FSTL5: variants seen among roughly 807,000 people sequenced by gnomAD.
FSTL5 encodes the protein follistatin like 5.
Under a neutral mutation model 89.1 loss-of-function variants are expected in FSTL5, and 62 were observed. The ratio of observed to expected loss-of-function variants is 0.70; its 90% CI spans 0.57 to 0.86. The LOEUF is 0.86. FSTL5 is among the 40% of genes least tolerant of loss of function. The pLI is 0.00. For missense variants in FSTL5, 1,057 were observed against 1,001.6 expected (o/e 1.06, Z -0.75); for synonymous variants, 383 against 346.2 (o/e 1.11, Z -1.18).
chr4:161,615,650 T>C (rs1734841256), intron 7 of FSTL5, among the ~76,000 whole-genome samples: 1 of 152,066 alleles, frequency 6.6e-6, no homozygotes, highest in Non-Finnish European at 1.5e-5. Context: ...TTAAAATCTT[T>C]AAACACGAAA....
At chr4:161,783,697 T>C (rs1270516146) in intron 4 of FSTL5, among the ~76,000 whole-genome samples, 11 of 27,540 alleles carry the variant, frequency 4.0e-4, no homozygotes, top group East Asian at 1.1e-3. Context: ...CTTTCTTTCT[T>C]TCTTTCTTTC....
intron 12 of FSTL5, among the ~76,000 whole-genome samples, chr4:161,487,215 T>A (rs1351859321): frequency 3.9e-5 from 6 of 152,208 alleles, no homozygotes; most frequent in Non-Finnish European, 8.8e-5. Flanking sequence ...ATTTGCTTAG[T>A]AAATACGTGT....
intron 7 of FSTL5, among the ~76,000 whole-genome samples, chr4:161,632,533 G>A (rs1302825411): frequency 6.6e-6 from 1 of 152,038 alleles, no homozygotes; most frequent in Non-Finnish European, 1.5e-5. Flanking sequence ...AAATAACCTG[G>A]CCACATATAA....
intron 3 of FSTL5, among the ~76,000 whole-genome samples, chr4:162,031,653 T>C (rs1293307018): frequency 6.6e-6 from 1 of 152,072 alleles, no homozygotes; most frequent in Non-Finnish European, 1.5e-5. Flanking sequence ...GCCAGGAGTC[T>C]AGGGCCGGGC....
intron 1 of FSTL5, among the ~76,000 whole-genome samples, chr4:162,123,856 C>A (rs1579046567): frequency 6.9e-6 from 1 of 144,420 alleles, no homozygotes. Flanking sequence ...TAAATTGTAT[C>A]AGATTTTGAA....
chr4:162,026,299 A>ATCTTCTTTTTT (rs1737279581), intron 3 of FSTL5, among the ~76,000 whole-genome samples: 4 of 10,816 alleles, frequency 3.7e-4, no homozygotes, highest in African/African-American at 1.3e-3. Flanking sequence ...CAGCTTATGT[A>ATCTTCTTTTTT]TTTTCTTTTT....
intron 3 of FSTL5, among the ~76,000 whole-genome samples, chr4:162,026,551 A>C (rs960111483): frequency 4.0e-5 from 6 of 151,328 alleles, no homozygotes; most frequent in Non-Finnish European, 8.8e-5. Context: ...CAAGTGATCC[A>C]CCTGCCTTGG....
At chr4:162,116,756 C>T (rs887960360) in intron 1 of FSTL5, among the ~76,000 whole-genome samples, 2 of 152,184 alleles carry the variant, frequency 1.3e-5, no homozygotes, top group African/African-American at 4.8e-5. Context: ...CGCGAGGCTT[C>T]ACACAAGGGA....
intron 4 of FSTL5, among the ~76,000 whole-genome samples, chr4:161,871,855 T>C (rs1010965302): frequency 1.5e-4 from 23 of 152,224 alleles, no homozygotes; most frequent in African/African-American, 5.1e-4. Context: ...TAGATAATTA[T>C]AGTGTCTATC....
chr4:162,016,112 C>A (rs975685595), intron 3 of FSTL5, among the ~76,000 whole-genome samples: 1 of 152,036 alleles, frequency 6.6e-6, no homozygotes, highest in Non-Finnish European at 1.5e-5. Context: ...TGAATCTGGG[C>A]AACTGGCATC....
chr4:161,538,508 T>C (rs1052111125), intron 9 of FSTL5, among the ~76,000 whole-genome samples: 4 of 152,176 alleles, frequency 2.6e-5, no homozygotes, highest in African/African-American at 9.7e-5. Context: ...AGCCCAATAC[T>C]CTATATCAAA....
intron 2 of FSTL5, among the ~76,000 whole-genome samples, chr4:162,034,100 C>T (rs1737642190): frequency 6.6e-6 from 1 of 151,882 alleles, no homozygotes; most frequent in Non-Finnish European, 1.5e-5. Flanking sequence ...CCATCCCTGC[C>T]TTATATAAAG....
chr4:161,505,748 T>C (rs1249268650), intron 11 of FSTL5, among the ~76,000 whole-genome samples: 1 of 152,146 alleles, frequency 6.6e-6, no homozygotes, highest in African/African-American at 2.4e-5. Context: ...TATACTTGTA[T>C]GTACATGTGC....
intron 3 of FSTL5, among the ~76,000 whole-genome samples, chr4:161,951,207 G>A (rs1169821411): frequency 6.6e-6 from 1 of 151,990 alleles, no homozygotes; most frequent in African/African-American, 2.4e-5. Flanking sequence ...CAGCCATGTG[G>A]AACTTTGAGT....
At chr4:162,153,964 C>G (rs1733368629) in intron 1 of FSTL5, among the ~76,000 whole-genome samples, 1 of 151,214 alleles carries the variant, frequency 6.6e-6, no homozygotes, top group African/African-American at 2.4e-5. Flanking sequence ...TGCCACCATG[C>G]CCAGCTAATT....
At chr4:161,602,036 A>G (rs1734260684) in intron 7 of FSTL5, among the ~76,000 whole-genome samples, 1 of 152,124 alleles carries the variant, frequency 6.6e-6, no homozygotes, top group Non-Finnish European at 1.5e-5. Context: ...TAGATTTAAA[A>G]TAACTATGAT....
At chr4:161,938,495 G>T (rs1734492537) in intron 3 of FSTL5, among the ~76,000 whole-genome samples, 1 of 151,834 alleles carries the variant, frequency 6.6e-6, no homozygotes. Flanking sequence ...ACCATAAATT[G>T]GGCAGAGAAT....
In FSTL5 at chr4:161,421,266, G is replaced by C. The variant is rs190023954; in HGVS notation, c.1841+33738C>G. Among the ~76,000 whole-genome samples the C allele has an allele frequency of 2.0e-3, 309 of 151,938 alleles. 1 individual carries two copies. Among genetic ancestry groups the C allele is most frequent in the African/African-American group, 6.3e-3 (259 of 41,432 alleles). On this transcript the variant is annotated intron_variant, in intron 15 of 15. Coordinates refer to ENST00000306100, the MANE Select transcript of FSTL5 (RefSeq NM_020116.5). ...TGAGGCAAGAGAATGGCATGAACCCGGGAGGTGGAGCTTGCAGTGAGCCAA... is the reference window on the plus strand; with the variant it reads ...TGAGGCAAGAGAATGGCATGAACCCCGGAGGTGGAGCTTGCAGTGAGCCAA...
intron 8 of FSTL5, among the ~76,000 whole-genome samples, chr4:161,587,174 T>G (rs543741792): frequency 1.3e-5 from 2 of 152,086 alleles, no homozygotes; most frequent in African/African-American, 4.8e-5. Context: ...ATTGTTAATA[T>G]TCTAAACGAA....
Sources: allele counts gnomAD v4.1 joint callset (sites outside exome capture counted in the v4.1 genomes callset), GRCh38; gene constraint gnomAD v4.1.1; transcripts MANE v1.5; gene names NCBI Gene and HGNC (gene_info 2026-07-23, HGNC 2026-07-21).